The following DNAH6 variants were observed in gnomAD, a reference collection of about 807,000 sequenced individuals.
DNAH6 encodes dynein axonemal heavy chain 6.
Under a neutral mutation model 491.4 loss-of-function variants are expected in DNAH6, and 340 were observed. That is an observed-to-expected ratio of 0.69 (90% confidence interval 0.63 to 0.76). The LOEUF (loss-of-function observed/expected upper bound fraction) is 0.76, where lower values mean the gene tolerates loss of function less well. Ranked by LOEUF, DNAH6 falls within the 30% of genes least tolerant of loss-of-function variation. DNAH6 has a pLI of 0.00. For synonymous variants in DNAH6, 1,603 were observed against 1,686.1 expected, an observed-to-expected ratio of 0.95 and a Z score of 1.21; for missense variants, 4,443 against 4,972.2, an observed-to-expected ratio of 0.89 and a Z score of 3.20.
chr2:84,484,516 G>A, the DNAH6 span, among the ~76,000 whole-genome samples: 6 of 152,164 alleles, frequency 3.9e-5, no homozygotes, highest in Non-Finnish European at 7.4e-5. Flanking sequence ...GGTTGTGGGG[G>A]AAAGTTTCTT....
In DNAH6 at chr2:84,619,896, G is replaced by A; in HGVS notation, c.3784G>A (p.Gly1262Arg). The change falls in exon 24 of 77, where the codon GGA becomes AGA. Residue 1262 changes from glycine to arginine, a missense_variant. Gly to Arg is a moderately radical substitution (Grantham distance 125). Around this residue, in one of 3 missense-constraint regions of DNAH6, gnomAD observed 2,977 missense variants for 3,296.6 expected, o/e 0.90. Coordinates refer to ENST00000389394, the MANE Select transcript of DNAH6 (RefSeq NM_001370.2). Reference sequence around the variant, plus strand: ...TATTTTAGCAATGCTGTCACCAGAGGGAGAAAGGGTGAGGTGCTTTTATTT... The same window carrying A: ...TATTTTAGCAATGCTGTCACCAGAGAGAGAAAGGGTGAGGTGCTTTTATTT... ...NDILAMLSPE[G>R]ERVSLGKGLK... The A allele has an allele frequency of 6.5e-7, 1 of 1,549,996 alleles. No individual in the cohort carries two copies. The highest frequency in any genetic ancestry group is 1.2e-5 in the South Asian group (1 of 83,996).
chr2:84,497,617 G>A, the DNAH6 span, among the ~76,000 whole-genome samples: 10 of 152,288 alleles, frequency 6.6e-5, no homozygotes, highest in South Asian at 4.1e-4. Context: ...TTGAACTGCC[G>A]TAGGATTCTC....
In DNAH6 at chr2:84,518,574, G is replaced by A. The variant is rs143669741; in HGVS notation, c.225+523G>A. Reference sequence around the variant, plus strand: ...AAAGTTGTCCTCTCCACCATTAGACGTTAGCTACATCTATTTCTCTCTGAC... The same window carrying A: ...AAAGTTGTCCTCTCCACCATTAGACATTAGCTACATCTATTTCTCTCTGAC... On this transcript the variant is annotated intron_variant, in intron 2 of 76. Coordinates refer to ENST00000389394, the MANE Select transcript of DNAH6 (RefSeq NM_001370.2). Among the ~76,000 whole-genome samples the A allele has an allele frequency of 7.2e-5, 11 of 152,302 alleles. No individual in the cohort carries two copies. The East Asian group carries it at 1.9e-3, about 27-fold the overall frequency.
chr2:84,676,053 C>T (rs774329559), intron 40 of DNAH6, among the ~76,000 whole-genome samples: 2 of 152,376 alleles, frequency 1.3e-5, no homozygotes, highest in Non-Finnish European at 2.9e-5. Context: ...TTCCATTTAA[C>T]TCACAATAGC....
intron 12 of DNAH6, among the ~76,000 whole-genome samples, chr2:84,576,143 A>T (rs1233306348): frequency 1.3e-5 from 2 of 152,238 alleles, no homozygotes; most frequent in African/African-American, 4.8e-5. Flanking sequence ...GGGTATCCTT[A>T]CCATACGACT....
At chr2:84,600,677 C>A (rs1299996959) in intron 18 of DNAH6, among the ~76,000 whole-genome samples, 1 of 151,980 alleles carries the variant, frequency 6.6e-6, no homozygotes, top group Non-Finnish European at 1.5e-5. Flanking sequence ...AGGTAAAGTA[C>A]CATTTTCATC....
chr2:84,620,323 A>G (rs1476154918), intron 24 of DNAH6, among the ~76,000 whole-genome samples: 1 of 152,184 alleles, frequency 6.6e-6, no homozygotes, highest in Non-Finnish European at 1.5e-5. Context: ...GGGATAGTGT[A>G]TGTAAATTAC....
At chr2:84,705,815 T>G in intron 52 of DNAH6, 68 bp downstream of exon 52, 3 of 1,469,722 alleles carry the variant, frequency 2.0e-6, no homozygotes, top group Non-Finnish European at 1.8e-6. Context: ...TCAAGTTCTC[T>G]GTATAATGTT....
chr2:84,813,793 A>C (rs917693724), intron 74 of DNAH6, among the ~76,000 whole-genome samples, 178 bp from the exon 75 acceptor site: 1 of 151,986 alleles, frequency 6.6e-6, no homozygotes, highest in Non-Finnish European at 1.5e-5. Context: ...ACCTCCCAAC[A>C]TGACCCGCAG....
intron 42 of DNAH6, among the ~76,000 whole-genome samples, chr2:84,683,909 C>T (rs1439080202): frequency 6.6e-6 from 1 of 152,144 alleles, no homozygotes. Flanking sequence ...ATTAACAAGT[C>T]TGGGAATGAA....
chr2:84,533,296 G>A (rs60483171), intron 4 of DNAH6, among the ~76,000 whole-genome samples: 3,594 of 152,220 alleles, frequency 0.024, 56 homozygotes, highest in Middle Eastern at 0.092. Flanking sequence ...GAAATAACAA[G>A]TAAAAGATTT....
At chr2:84,506,959 G>A in the DNAH6 span, among the ~76,000 whole-genome samples, 1 of 152,170 alleles carries the variant, frequency 6.6e-6, no homozygotes, top group Admixed American at 6.5e-5. Context: ...ATGCTGTTTT[G>A]GTTACTGTAG....
At chr2:84,565,888 A>G (rs953591141) in intron 11 of DNAH6, among the ~76,000 whole-genome samples, 2 of 151,694 alleles carry the variant, frequency 1.3e-5, no homozygotes, top group Admixed American at 1.3e-4. Flanking sequence ...TTTATACTCT[A>G]TTTTATCTGA....
chr2:84,738,768 G>T (rs1672241167), intron 62 of DNAH6, among the ~76,000 whole-genome samples: 1 of 151,964 alleles, frequency 6.6e-6, no homozygotes, highest in South Asian at 2.1e-4. Context: ...AAGAAGAATG[G>T]GTCTTGTTTT....
chr2:84,771,486 A>G (rs1015470863), intron 64 of DNAH6, among the ~76,000 whole-genome samples: 6 of 152,178 alleles, frequency 3.9e-5, no homozygotes, highest in Non-Finnish European at 7.4e-5. Context: ...AATGAATTCT[A>G]AGTAGGATAA....
rs1455116667 is a variant in DNAH6, at chr2:84,709,363, G to A, written c.9069G>A (p.Gln3023=). 6 of 1,551,530 alleles carry A rather than the reference G, an allele frequency of 3.9e-6. No individual in the cohort carries two copies. Among genetic ancestry groups the A allele is most frequent in the Non-Finnish European group, 5.2e-6 (6 of 1,147,008 alleles). The change falls in exon 55 of 77, where the codon CAG becomes CAA. Residue 3023 remains glutamine, a synonymous_variant. Coordinates refer to ENST00000389394, the MANE Select transcript of DNAH6 (RefSeq NM_001370.2). ...TACAGCTTATAGAGTGTTGGATCCA[G>A]GACTGTCAGTCTCTGGAGATCCCAA... The part of the protein sequence containing the change: ...YRQSLIECWI[Q]DCQSLEIPID...
chr2:84,789,326 T>C (rs140062649), intron 68 of DNAH6, among the ~76,000 whole-genome samples: 3 of 152,166 alleles, frequency 2.0e-5, no homozygotes, highest in African/African-American at 7.2e-5. Context: ...TTACTGAAAA[T>C]TAAAGTTGAG....
chr2:84,691,466 G>C (rs1303935921), intron 45 of DNAH6, among the ~76,000 whole-genome samples: 1 of 152,232 alleles, frequency 6.6e-6, no homozygotes, highest in East Asian at 1.9e-4. Flanking sequence ...ATGTGTCTTT[G>C]AGTAGATGTG....
intron 15 of DNAH6, among the ~76,000 whole-genome samples, chr2:84,586,696 T>C (rs1282359705): frequency 1.3e-5 from 2 of 152,168 alleles, no homozygotes; most frequent in African/African-American, 2.4e-5. Context: ...TTATTCACAT[T>C]TTACAGAAAA....
Sources: gnomAD v4.1 joint callset for allele counts (sites outside exome capture counted in the v4.1 genomes callset) on GRCh38, gnomAD v4.1.1 for gene constraint, gnomAD v4.1.1 regional missense constraint, MANE v1.5 for transcripts, NCBI Gene and HGNC (gene_info 2026-07-23, HGNC 2026-07-21) for gene names.